The following ZNF69 variants were observed in gnomAD, a reference collection of about 807,000 sequenced individuals.
ZNF69 encodes zinc finger protein 69, also known as ZNF3.
A neutral mutation model predicts 50.9 loss-of-function variants in ZNF69; 47 were observed. That is an observed-to-expected ratio of 0.92 (90% CI 0.73 to 1.18). The LOEUF is 1.18. Among genes scored for constraint, ZNF69 ranks in the 50% most tolerant of loss-of-function variants. ZNF69 has a pLI of 0.00. For missense variants in ZNF69, 717 were observed against 675.1 expected (o/e 1.06, Z -0.69); for synonymous variants, 216 against 223.1 (o/e 0.97, Z 0.29).
At chr19:11,962,295 C>CATAG in the ZNF69 span, among the ~76,000 whole-genome samples, 1 of 152,150 alleles carries the variant, frequency 6.6e-6, no homozygotes, top group Non-Finnish European at 1.5e-5. Context: ...CTCCCACTCT[C>CATAG]ATAGTGAGAG....
chr19:11,901,978 C>CTTT lies in ZNF69; in HGVS notation c.64-1577_64-1575dup, dbSNP rs58505422. Reference sequence around the variant, plus strand: ...GTAGTATAGGCCAAGATGTTATTTTCTTTTTTTTTTTTTTTTTTTTGAATC... The same window carrying CTTT: ...GTAGTATAGGCCAAGATGTTATTTTCTTTTTTTTTTTTTTTTTTTTTTTGAATC... On this transcript the variant is annotated intron_variant, in intron 1 of 3. Coordinates refer to ENST00000429654, the MANE Select transcript of ZNF69 (RefSeq NM_001364730.1). Among the ~76,000 whole-genome samples, 470 of 119,104 alleles carry CTTT rather than the reference C, an allele frequency of 3.9e-3. 9 individuals are homozygous for CTTT. Among genetic ancestry groups the CTTT allele is most frequent in the African/African-American group, 0.015 (443 of 29,968 alleles). The allele number at this position is 119,104 out of a possible 152,430, so 78.1% of individuals were successfully genotyped here. A position where few individuals can be genotyped will look rare whatever the true frequency, so the allele number is the denominator to read the frequency against.
the ZNF69 span, chr19:11,925,091 T>A: frequency 8.7e-7 from 1 of 1,143,332 alleles, no homozygotes; most frequent in South Asian, 1.3e-5. Context: ...CATCCGGAAA[T>A]GGAGGGGGTC....
At chr19:11,963,150 C>A in the ZNF69 span, among the ~76,000 whole-genome samples, 1 of 149,028 alleles carries the variant, frequency 6.7e-6, no homozygotes, top group Non-Finnish European at 1.5e-5. Context: ...AGTGCAGTAG[C>A]CTGATCATAG....
At chr19:11,936,156 A>G in the ZNF69 span, among the ~76,000 whole-genome samples, 1 of 151,896 alleles carries the variant, frequency 6.6e-6, no homozygotes, top group Non-Finnish European at 1.5e-5. Context: ...TGAATAGTGA[A>G]TATTGCTTTA....
the ZNF69 span, among the ~76,000 whole-genome samples, chr19:11,941,645 G>A: frequency 0.021 from 3,265 of 152,180 alleles, 111 homozygotes; most frequent in African/African-American, 0.072. Flanking sequence ...CGCAAGCGCC[G>A]CGCGCAGCCC....
At chr19:11,925,296 C>G in the ZNF69 span, 2 of 1,609,860 alleles carry the variant, frequency 1.2e-6, no homozygotes, top group East Asian at 2.2e-5. Context: ...GACCAGATGT[C>G]GTGAGACGGG....
the ZNF69 span, among the ~76,000 whole-genome samples, chr19:11,921,863 G>C: frequency 6.6e-6 from 1 of 152,126 alleles, no homozygotes; most frequent in Non-Finnish European, 1.5e-5. Flanking sequence ...CTATAGAGCA[G>C]TTAACAGGAA....
chr19:11,948,969 T>G, the ZNF69 span: 1 of 1,606,874 alleles, frequency 6.2e-7, no homozygotes, highest in Non-Finnish European at 8.5e-7. Flanking sequence ...GAAAAGCATT[T>G]GCATATACCA....
the ZNF69 span, chr19:11,949,494 A>G: frequency 2.2e-5 from 36 of 1,612,216 alleles, no homozygotes; most frequent in Admixed American, 3.4e-5. Flanking sequence ...AGCACCTTCA[A>G]ATTCATGAAA....
At position 11,893,372 on chromosome 19, in the gene ZNF69, A is replaced by T. The variant is rs367877207; in HGVS notation, c.63+5386A>T. Among the ~76,000 whole-genome samples the T allele has an allele frequency of 9.9e-5, 15 of 152,194 alleles. No individual in the cohort carries two copies. The South Asian group carries it at 3.1e-3, about 32-fold the overall frequency. ...TGTTTTCCCCTGGCATTTTCCAAATATATGGGATGCCGGATCTCAAATCCT... is the reference window on the plus strand; with the variant it reads ...TGTTTTCCCCTGGCATTTTCCAAATTTATGGGATGCCGGATCTCAAATCCT... On this transcript the variant is annotated intron_variant, in intron 1 of 3. Transcript: ENST00000429654.
At chr19:11,942,606 C>T in the ZNF69 span, among the ~76,000 whole-genome samples, 1 of 152,182 alleles carries the variant, frequency 6.6e-6, no homozygotes, top group East Asian at 1.9e-4. Flanking sequence ...TGAAGGCTTA[C>T]ACAGGGATCC....
intron 1 of ZNF69, among the ~76,000 whole-genome samples, chr19:11,893,736 G>A (rs552556537): frequency 1.6e-4 from 25 of 152,220 alleles, no homozygotes; most frequent in African/African-American, 6.0e-4. Flanking sequence ...GGGGAGTGGG[G>A]CCTCCCGAGG....
At chr19:11,942,403 C>T in the ZNF69 span, among the ~76,000 whole-genome samples, 2 of 151,916 alleles carry the variant, frequency 1.3e-5, no homozygotes, top group Admixed American at 1.3e-4. Context: ...TGCTACAGAC[C>T]CACAGTCCAA....
At chr19:11,942,587 T>C in the ZNF69 span, among the ~76,000 whole-genome samples, 7,835 of 152,290 alleles carry the variant, frequency 0.051, 281 homozygotes, top group African/African-American at 0.095. Flanking sequence ...GAGAAATTCC[T>C]GCCCCTTTTG....
chr19:11,898,919 G>T (rs1173100952), intron 1 of ZNF69, among the ~76,000 whole-genome samples: 1 of 152,178 alleles, frequency 6.6e-6, no homozygotes, highest in Non-Finnish European at 1.5e-5. Flanking sequence ...TATTACATGT[G>T]AACATGATGA....
the ZNF69 span, among the ~76,000 whole-genome samples, chr19:11,931,580 C>G: frequency 6.8e-6 from 1 of 147,492 alleles, no homozygotes; most frequent in Admixed American, 6.6e-5. Context: ...CTATTTCAGT[C>G]TTTAGAAGTA....
chr19:11,925,790 TAAA>T, the ZNF69 span, among the ~76,000 whole-genome samples: 1 of 152,022 alleles, frequency 6.6e-6, no homozygotes, highest in Non-Finnish European at 1.5e-5. Flanking sequence ...CTATGTAAAA[TAAA>T]GAAGTTTATT....
At chr19:11,974,068 C>T in the ZNF69 span, among the ~76,000 whole-genome samples, 1 of 129,034 alleles carries the variant, frequency 7.7e-6, no homozygotes. Flanking sequence ...TTCCTTCTTT[C>T]TTTTCTTTCT....
At chr19:11,962,805 C>G in the ZNF69 span, among the ~76,000 whole-genome samples, 1 of 152,140 alleles carries the variant, frequency 6.6e-6, no homozygotes, top group African/African-American at 2.4e-5. Context: ...AGAGAACAAG[C>G]TGACTTAATG....
Sources: allele counts gnomAD v4.1 joint callset (sites outside exome capture counted in the v4.1 genomes callset), GRCh38; gene constraint gnomAD v4.1.1; transcripts MANE v1.5; gene names NCBI Gene and HGNC (gene_info 2026-07-23, HGNC 2026-07-21).